The following SRGAP3 variants were observed in gnomAD, a reference collection of about 807,000 sequenced individuals.
SRGAP3 encodes SLIT-ROBO Rho GTPase-activating protein 3.
SRGAP3 carries 39 observed loss-of-function variants against 121.1 expected under a neutral mutation model. The observed-to-expected ratio is 0.32, with a 90% CI of 0.25 to 0.42. The LOEUF (loss-of-function observed/expected upper bound fraction) is 0.42, where lower values mean the gene tolerates loss of function less well. Ranked by LOEUF, SRGAP3 falls within the 10% of genes least tolerant of loss-of-function variation. The pLI, the probability that SRGAP3 is intolerant of heterozygous loss-of-function variation, is 1.00. For missense variants in SRGAP3, 1,213 were observed against 1,470.6 expected (o/e 0.82, Z 2.86); for synonymous variants, 601 against 570.0 (o/e 1.05, Z -0.77).
intron 3 of SRGAP3, among the ~76,000 whole-genome samples, chr3:9,083,700 A>G (rs1947337129): frequency 6.6e-6 from 1 of 152,212 alleles, no homozygotes; most frequent in African/African-American, 2.4e-5. Flanking sequence ...GTGTGCTGTC[A>G]CTGTGCATAT....
intron 1 of SRGAP3, among the ~76,000 whole-genome samples, chr3:9,183,913 C>T (rs989041012): frequency 6.6e-6 from 1 of 152,028 alleles, no homozygotes; most frequent in African/African-American, 2.4e-5. Context: ...CGGCTTGCCT[C>T]TTTTGTGGAG....
chr3:9,080,463 A>G (rs1224866973), intron 3 of SRGAP3, among the ~76,000 whole-genome samples: 1 of 152,218 alleles, frequency 6.6e-6, no homozygotes, highest in Non-Finnish European at 1.5e-5. Flanking sequence ...CACAATCCTC[A>G]TGAATGGCTA....
At chr3:9,167,077 C>T (rs780390942) in intron 1 of SRGAP3, among the ~76,000 whole-genome samples, 10 of 152,268 alleles carry the variant, frequency 6.6e-5, no homozygotes, top group Admixed American at 2.0e-4. Flanking sequence ...AATCCTTCTG[C>T]GAACCAGCAG....
rs1429122035 is a variant in SRGAP3, at chr3:8,990,783, G to A, written c.2615C>T (p.Thr872Ile). ...GCCCAGGCCCCGGGGCGGGCTGTGT[G>A]TGTCGCCCCCGCTTCGGCGTCTGGG... The part of the protein sequence containing the change: ...AIPRRRSGGD[T>I]HSPPRGLGPS... The change falls in exon 21 of 22, where the codon ACA (threonine) becomes ATA (isoleucine). Residue 872 changes from threonine (T) to isoleucine (I), a missense_variant. Thr to Ile is a moderately conservative substitution (Grantham distance 89). Transcript: ENST00000383836. The A allele has an allele frequency of 1.2e-5, 19 of 1,597,554 alleles. No homozygotes were observed. Among genetic ancestry groups the A allele is most frequent in the Non-Finnish European group, 1.6e-5 (19 of 1,171,906 alleles).
intron 1 of SRGAP3, among the ~76,000 whole-genome samples, chr3:9,344,084 C>A (rs1432964812): frequency 6.6e-6 from 1 of 152,206 alleles, no homozygotes; most frequent in African/African-American, 2.4e-5. Context: ...CTTTGGGAGG[C>A]CAAGACGGGC....
At chr3:9,036,800 G>A (rs1012673074) in intron 11 of SRGAP3, 1 of 152,128 alleles carries the variant, frequency 6.6e-6, no homozygotes, top group East Asian at 1.9e-4. Context: ...GTTGTTTTGA[G>A]ACTATGACAA....
intron 1 of SRGAP3, chr3:9,349,009 G>A (rs536020788): frequency 2.3e-4 from 219 of 935,710 alleles, no homozygotes; most frequent in African/African-American, 2.0e-3. Flanking sequence ...ACAGCCCCCC[G>A]GGCATTGTCA....
intron 4 of SRGAP3, among the ~76,000 whole-genome samples, chr3:9,074,136 G>A (rs1946849086): frequency 6.6e-6 from 1 of 152,186 alleles, no homozygotes; most frequent in African/African-American, 2.4e-5. Flanking sequence ...AATGGGAAAC[G>A]AAGGAGGAGG....
chr3:9,219,829 C>T (rs1022012781), intron 1 of SRGAP3, among the ~76,000 whole-genome samples: 3 of 151,684 alleles, frequency 2.0e-5, no homozygotes, highest in Non-Finnish European at 2.9e-5. Flanking sequence ...CCAGCCTGGG[C>T]GACAGAGTAC....
intron 1 of SRGAP3, among the ~76,000 whole-genome samples, chr3:9,172,287 G>A (rs2125101573): frequency 6.6e-6 from 1 of 151,766 alleles, no homozygotes; most frequent in African/African-American, 2.4e-5. Flanking sequence ...ATTTTTTGTA[G>A]AGACAGGGTC....
chr3:9,178,819 T>A (rs1951275734), intron 1 of SRGAP3, among the ~76,000 whole-genome samples: 1 of 152,130 alleles, frequency 6.6e-6, no homozygotes, highest in South Asian at 2.1e-4. Context: ...TAGGGCAGGA[T>A]CTTTGTTCCG....
At chr3:9,171,537 G>A (rs1164665514) in intron 1 of SRGAP3, among the ~76,000 whole-genome samples, 1 of 152,174 alleles carries the variant, frequency 6.6e-6, no homozygotes, top group East Asian at 1.9e-4. Context: ...ATTATCCCTC[G>A]CATGGTTCTA....
At chr3:9,307,137 T>TTA (rs1955173338) in intron 3 of SRGAP3, among the ~76,000 whole-genome samples, 1 of 152,116 alleles carries the variant, frequency 6.6e-6, no homozygotes, top group African/African-American at 2.4e-5. Context: ...CACGCCTGGC[T>TTA]TATTTTTTGT....
intron 1 of SRGAP3, among the ~76,000 whole-genome samples, chr3:9,336,364 C>T (rs558232241): frequency 5.3e-5 from 8 of 152,248 alleles, no homozygotes; most frequent in Admixed American, 3.3e-4. Flanking sequence ...TATATGCACA[C>T]ACCACTGTGC....
At chr3:9,245,436 T>A (rs1238670682) in intron 1 of SRGAP3, among the ~76,000 whole-genome samples, 2 of 151,734 alleles carry the variant, frequency 1.3e-5, no homozygotes, top group Non-Finnish European at 2.9e-5. Flanking sequence ...CAGAGGAGAG[T>A]GGAGATGGTA....
chr3:9,282,525 C>T (rs1320304375), intron 3 of SRGAP3, among the ~76,000 whole-genome samples: 1 of 152,144 alleles, frequency 6.6e-6, no homozygotes, highest in Non-Finnish European at 1.5e-5. Flanking sequence ...GAGTCTTACT[C>T]TGTCGCCCAG....
At chr3:9,187,321 A>G (rs907794294) in intron 1 of SRGAP3, among the ~76,000 whole-genome samples, 5 of 152,228 alleles carry the variant, frequency 3.3e-5, no homozygotes, top group Non-Finnish European at 7.3e-5. Context: ...GAGGGGGTAC[A>G]GTCAGTGGAC....
At chr3:9,136,400 C>T (rs1227932755) in intron 1 of SRGAP3, among the ~76,000 whole-genome samples, 2 of 67,124 alleles carry the variant, frequency 3.0e-5, no homozygotes, top group South Asian at 6.3e-4. Context: ...TGGGACCCCC[C>T]CCCCCCCCGA....
Position 9,249,004 on chromosome 3 carries a change from C to A in SRGAP3, c.-53G>T. ...GGCTGTTTGATTTATTTCTCCTTTT[C>A]TTTTCGAGTCCTCTCTCAAGCCCTG... On this transcript the variant is annotated 5_prime_UTR_variant, in exon 1 of 22. Coordinates refer to ENST00000383836, the MANE Select transcript of SRGAP3 (RefSeq NM_014850.4). 6.4e-7 allele frequency: 1 copy of A among 1,562,560 alleles called. No individual in the cohort carries two copies.
Sources: gnomAD v4.1 joint callset for allele counts (sites outside exome capture counted in the v4.1 genomes callset) on GRCh38, gnomAD v4.1.1 for gene constraint, MANE v1.5 for transcripts, NCBI Gene and HGNC (gene_info 2026-07-23, HGNC 2026-07-21) for gene names.